The following MTUS2 variants were observed in gnomAD, a reference collection of about 807,000 sequenced individuals.
MTUS2 encodes the protein microtubule associated scaffold protein 2, also known as microtubule-associated tumor suppressor candidate 2.
A neutral mutation model predicts 114.1 loss-of-function variants in MTUS2; 40 were observed. The observed-to-expected ratio is 0.35, with a 90% CI of 0.27 to 0.46. The LOEUF is 0.46. MTUS2 is among the 20% of genes least tolerant of loss of function. The pLI is 1.00. For missense variants in MTUS2, 1,679 were observed against 1,705.4 expected (o/e 0.98, Z 0.27); for synonymous variants, 688 against 672.0 (o/e 1.02, Z -0.37).
At chr13:28,966,170 C>T (rs889265207) in intron 2 of MTUS2, among the ~76,000 whole-genome samples, 1 of 151,880 alleles carries the variant, frequency 6.6e-6, no homozygotes, top group Non-Finnish European at 1.5e-5. Context: ...TTTATGATAC[C>T]CTCCAAATAA....
intron 3 of MTUS2, among the ~76,000 whole-genome samples, chr13:29,032,911 A>C (rs866920687): frequency 1.4e-4 from 21 of 152,310 alleles, no homozygotes; most frequent in Middle Eastern, 6.8e-3. Flanking sequence ...TTTTATTGTA[A>C]CTTAAAGGAA....
chr13:28,994,197 C>T (rs1377305113), intron 2 of MTUS2, among the ~76,000 whole-genome samples: 1 of 151,966 alleles, frequency 6.6e-6, no homozygotes, highest in Non-Finnish European at 1.5e-5. Flanking sequence ...TGATGGTTTC[C>T]AGCTTCATCC....
chr13:28,876,176 T>C (rs1252246538), intron 2 of MTUS2, among the ~76,000 whole-genome samples: 1 of 152,192 alleles, frequency 6.6e-6, no homozygotes, highest in Admixed American at 6.5e-5. Context: ...CAGTTGGAGA[T>C]GAGTGAATAC....
At chr13:28,967,093 T>C (rs559978312) in intron 2 of MTUS2, among the ~76,000 whole-genome samples, 1 of 152,366 alleles carries the variant, frequency 6.6e-6, no homozygotes, top group Non-Finnish European at 1.5e-5. Flanking sequence ...TACCAGGCAC[T>C]ATACTTGCAA....
chr13:28,980,786 T>A (rs1028735842), intron 2 of MTUS2, among the ~76,000 whole-genome samples: 2 of 152,244 alleles, frequency 1.3e-5, no homozygotes, highest in Non-Finnish European at 2.9e-5. Flanking sequence ...TGTTTGTTTG[T>A]TTTTTAGAAC....
chr13:29,208,329 T>C (rs1355382477), intron 5 of MTUS2, among the ~76,000 whole-genome samples: 1 of 152,106 alleles, frequency 6.6e-6, no homozygotes, highest in Non-Finnish European at 1.5e-5. Flanking sequence ...CTTCTTTTCT[T>C]GGTTCCTCTT....
intron 7 of MTUS2, among the ~76,000 whole-genome samples, chr13:29,340,163 C>T (rs1308818875): frequency 5.9e-5 from 9 of 152,230 alleles, no homozygotes; most frequent in East Asian, 1.9e-4. Context: ...GCAGCTGCAG[C>T]GGGGGAGGGC....
intron 11 of MTUS2, among the ~76,000 whole-genome samples, chr13:29,489,261 C>A (rs533633184): frequency 2.0e-5 from 3 of 151,716 alleles, no homozygotes; most frequent in South Asian, 2.1e-4. Context: ...AGCGAAACTC[C>A]GCCTCAAAAA....
chr13:29,292,539 T>A (rs1898760988), intron 6 of MTUS2, among the ~76,000 whole-genome samples: 1 of 152,094 alleles, frequency 6.6e-6, no homozygotes, highest in Non-Finnish European at 1.5e-5. Flanking sequence ...AGAGTGAGAG[T>A]GAGAGGCCTA....
chr13:29,493,672 G>A (rs1882341690), intron 12 of MTUS2, among the ~76,000 whole-genome samples: 1 of 152,194 alleles, frequency 6.6e-6, no homozygotes, highest in Admixed American at 6.5e-5. Flanking sequence ...TGCCTGCACA[G>A]TGCTTGTGTG....
chr13:29,176,505 C>T (rs1327629051), intron 5 of MTUS2, among the ~76,000 whole-genome samples: 3 of 152,156 alleles, frequency 2.0e-5, no homozygotes, highest in Admixed American at 2.0e-4. Context: ...AAACCTTAGA[C>T]TGGGTAATTT....
chr13:29,393,780 T>A (rs1873697319), intron 8 of MTUS2, among the ~76,000 whole-genome samples: 1 of 152,144 alleles, frequency 6.6e-6, no homozygotes, highest in Admixed American at 6.5e-5. Context: ...TAGGGAGACA[T>A]GAGCCATCAA....
At chr13:29,333,042 T>C (rs1343581505) in intron 7 of MTUS2, among the ~76,000 whole-genome samples, 1 of 152,220 alleles carries the variant, frequency 6.6e-6, no homozygotes, top group East Asian at 1.9e-4. Flanking sequence ...CTGCTTTAGC[T>C]GTGTCCCAGA....
Position 28,964,080 on chromosome 13 carries a change from C to T in MTUS2, c.-242-60377C>T, listed in dbSNP as rs1249687175. 5.3e-5 allele frequency among the ~76,000 whole-genome samples: 8 copies of T among 152,208 alleles called. No homozygotes were observed. In the South Asian group the frequency reaches 1.5e-3, roughly 28 times the overall value. Reference sequence around the variant, plus strand: ...CTCTAGCCCTAACCATTCCACTGAGCTCCAAACTTATTAGGCTAATTGTTT... The same window carrying T: ...CTCTAGCCCTAACCATTCCACTGAGTTCCAAACTTATTAGGCTAATTGTTT... On this transcript the variant is annotated intron_variant, in intron 2 of 15. Transcript: ENST00000612955.
intron 5 of MTUS2, among the ~76,000 whole-genome samples, chr13:29,202,169 A>G (rs1374930845): frequency 6.6e-6 from 1 of 151,144 alleles, no homozygotes; most frequent in African/African-American, 2.4e-5. Context: ...GTCTTTTCAC[A>G]TAGTCCCATA....
chr13:29,365,703 C>T (rs1362980096), intron 8 of MTUS2, among the ~76,000 whole-genome samples: 1 of 152,148 alleles, frequency 6.6e-6, no homozygotes, highest in Admixed American at 6.5e-5. Context: ...ATACAGAATT[C>T]AGCATAGCCT....
intron 4 of MTUS2, among the ~76,000 whole-genome samples, chr13:29,072,465 G>C (rs1169702439): frequency 6.6e-6 from 1 of 152,100 alleles, no homozygotes; most frequent in African/African-American, 2.4e-5. Flanking sequence ...TGTAAAATGA[G>C]GGCATTTCAA....
chr13:29,151,293 T>C (rs1265735793), intron 5 of MTUS2, among the ~76,000 whole-genome samples: 2 of 152,190 alleles, frequency 1.3e-5, no homozygotes, highest in Non-Finnish European at 1.5e-5. Flanking sequence ...TTTTAATTTT[T>C]TGTGACTATT....
chr13:29,375,587 ACGT>A (rs374141139), intron 8 of MTUS2, among the ~76,000 whole-genome samples: 21,885 of 31,676 alleles, frequency 0.69, 7,709 homozygotes, highest in East Asian at 0.78. Flanking sequence ...ATATATATAT[ACGT>A]ATATATATAT....
Sources: allele counts gnomAD v4.1 joint callset (sites outside exome capture counted in the v4.1 genomes callset), GRCh38; gene constraint gnomAD v4.1.1; transcripts MANE v1.5; gene names NCBI Gene and HGNC (gene_info 2026-07-23, HGNC 2026-07-21).